The following PIAS1 variants were observed in gnomAD, a reference collection of about 807,000 sequenced individuals.
PIAS1 encodes protein inhibitor of activated STAT 1, also known as E3 SUMO-protein ligase PIAS1.
A neutral mutation model predicts 71.3 loss-of-function variants in PIAS1; 6 were observed. That is an observed-to-expected ratio of 0.08 (90% CI 0.05 to 0.17). The LOEUF (loss-of-function observed/expected upper bound fraction) is 0.17, where lower values mean the gene tolerates loss of function less well. PIAS1 is among the 10% of genes least tolerant of loss of function. The pLI is 1.00. For missense variants in PIAS1, 555 were observed against 793.6 expected (o/e 0.70, Z 3.61); for synonymous variants, 303 against 292.9 (o/e 1.03, Z -0.35).
At chr15:68,119,704 A>G (rs1044568323) in intron 2 of PIAS1, among the ~76,000 whole-genome samples, 12 of 152,154 alleles carry the variant, frequency 7.9e-5, no homozygotes, top group African/African-American at 2.9e-4. Flanking sequence ...ATATTGTTCA[A>G]AGTCTTCTGT....
chr15:68,174,026 C>T lies in PIAS1; in HGVS notation c.1169+134C>T, dbSNP rs751676103. The T allele has an allele frequency of 1.7e-5, 8 of 481,380 alleles. No individual in the cohort carries two copies. Among genetic ancestry groups the T allele is most frequent in the Non-Finnish European group, 2.8e-5 (8 of 286,062 alleles). The allele number at this position is 481,380 out of a possible 1,614,324, so 29.8% of individuals were successfully genotyped here. A position where few individuals can be genotyped will look rare whatever the true frequency, so the allele number is the denominator to read the frequency against. ...TTGTGAGTCTGCAAACCAATATTTT[C>T]AAAGTAATTTATTTCAAATTAGTGT... On this transcript the variant is annotated intron_variant, in intron 9 of 13. Coordinates refer to ENST00000249636, the MANE Select transcript of PIAS1 (RefSeq NM_016166.3). The surrounding 1 kb of genome is among the most constrained non-coding windows in gnomAD (Gnocchi z 4.0).
intron 2 of PIAS1, among the ~76,000 whole-genome samples, chr15:68,119,903 A>G (rs1595740645): frequency 6.6e-6 from 1 of 152,320 alleles, no homozygotes; most frequent in East Asian, 1.9e-4. Context: ...GACTCTCTCT[A>G]TCCCTAGTAA....
intron 1 of PIAS1, chr15:68,055,787 G>T: frequency 1.8e-6 from 1 of 559,378 alleles, no homozygotes; most frequent in South Asian, 2.5e-5. Context: ...ATAATGAAAC[G>T]ACAACTTCTA....
chr15:68,074,901 A>G (rs962084046), intron 1 of PIAS1, among the ~76,000 whole-genome samples: 1 of 151,626 alleles, frequency 6.6e-6, no homozygotes, highest in African/African-American at 2.4e-5. Context: ...TGGATGCTAA[A>G]AAGTATAGTC....
intron 7 of PIAS1, among the ~76,000 whole-genome samples, chr15:68,161,804 C>A (rs1376313507): frequency 6.6e-6 from 1 of 151,916 alleles, no homozygotes; most frequent in African/African-American, 2.4e-5. Context: ...GTGGTGCACA[C>A]CTCTAATCCC....
At chr15:68,115,987 T>C (rs2092561868) in intron 2 of PIAS1, among the ~76,000 whole-genome samples, 1 of 152,134 alleles carries the variant, frequency 6.6e-6, no homozygotes, top group Admixed American at 6.5e-5. Context: ...TGGTTGGTAA[T>C]TTTTTGTCTA....
chr15:68,089,841 C>T (rs2092318257), intron 2 of PIAS1, among the ~76,000 whole-genome samples: 1 of 151,852 alleles, frequency 6.6e-6, no homozygotes. Context: ...CAGGTGTGAG[C>T]CACTGCACCC....
intron 1 of PIAS1, among the ~76,000 whole-genome samples, chr15:68,072,252 T>C (rs1015194024): frequency 6.6e-6 from 1 of 151,124 alleles, no homozygotes; most frequent in Non-Finnish European, 1.5e-5. Flanking sequence ...CAAAAAAAAT[T>C]AGCTGGGCGT....
At chr15:68,118,681 G>C (rs982456838) in intron 2 of PIAS1, among the ~76,000 whole-genome samples, 1 of 152,076 alleles carries the variant, frequency 6.6e-6, no homozygotes, top group Admixed American at 6.5e-5. Context: ...ACTGGAGTGA[G>C]GTGATTTCTC....
rs141641847 is a variant in PIAS1, at chr15:68,125,281, A to G, written c.470-16665A>G. On this transcript the variant is annotated intron_variant, in intron 2 of 13. Coordinates refer to ENST00000249636, the MANE Select transcript of PIAS1 (RefSeq NM_016166.3). ...TGCATGAGGTAATTCTGTCAATTTC[A>G]TGTTCTATGAGAATTCCCTACCAGA... Among the ~76,000 whole-genome samples, 150 of 152,202 alleles carry G rather than the reference A, an allele frequency of 9.9e-4. 2 individuals carry two copies. In the East Asian group the frequency reaches 0.023, roughly 24 times the overall value.
At chr15:68,146,849 G>GAAAAAAAAAA in intron 6 of PIAS1, 149 bp downstream of exon 6, 1 of 687,124 alleles carries the variant, frequency 1.5e-6, no homozygotes, top group Non-Finnish European at 2.5e-6. Context: ...GTTTCCATTT[G>GAAAAAAAAAA]AAAAATGGGA....
chr15:68,055,865 T>C (rs1344827088), intron 1 of PIAS1: 3 of 697,220 alleles, frequency 4.3e-6, no homozygotes, highest in Non-Finnish European at 7.9e-6. Flanking sequence ...GAAAGAGCTT[T>C]TCTCCTAATA....
At chr15:68,154,080 G>C (rs2092869396) in intron 7 of PIAS1, 1 of 161,162 alleles carries the variant, frequency 6.2e-6, no homozygotes, top group Non-Finnish European at 1.4e-5. Flanking sequence ...AGTGAAGAGA[G>C]CCAGTGGGGT....
At chr15:68,176,216 ATTAC>A (rs2141093276) in intron 10 of PIAS1, among the ~76,000 whole-genome samples, 1 of 152,242 alleles carries the variant, frequency 6.6e-6, no homozygotes, top group African/African-American at 2.4e-5. Context: ...CTGCTCTCAA[ATTAC>A]TTTTCTTCTG....
At chr15:68,176,406 A>T in intron 10 of PIAS1, 68 bp from the exon 11 acceptor site, 1 of 1,020,322 alleles carries the variant, frequency 9.8e-7, no homozygotes, top group Non-Finnish European at 1.4e-6. Flanking sequence ...GATAAACTGT[A>T]GTGACACTGA....
At chr15:68,097,456 G>C (rs2092385839) in intron 2 of PIAS1, among the ~76,000 whole-genome samples, 1 of 151,892 alleles carries the variant, frequency 6.6e-6, no homozygotes, top group Non-Finnish European at 1.5e-5. Context: ...TTTTGAGACG[G>C]AGTTTTACTC....
chr15:68,177,278 C>CAAAAAAAAAAAAA (rs3083984), intron 11 of PIAS1, among the ~76,000 whole-genome samples: 62 of 90,694 alleles, frequency 6.8e-4, no homozygotes, highest in African/African-American at 8.9e-4. Context: ...GACTTTGTCT[C>CAAAAAAAAAAAAA]AAAAAAAAAA....
At chr15:68,166,082 T>C (rs2092956024) in intron 8 of PIAS1, among the ~76,000 whole-genome samples, 1 of 152,188 alleles carries the variant, frequency 6.6e-6, no homozygotes, top group Non-Finnish European at 1.5e-5. Flanking sequence ...GATCATGAAT[T>C]AGTTTCTGTA....
chr15:68,105,875 G>A (rs2092464367), intron 2 of PIAS1, among the ~76,000 whole-genome samples: 1 of 151,998 alleles, frequency 6.6e-6, no homozygotes, highest in East Asian at 1.9e-4. Context: ...TAATGATAGT[G>A]GCTTGTTACA....
Sources: gnomAD v4.1 joint callset for allele counts (sites outside exome capture counted in the v4.1 genomes callset) on GRCh38, gnomAD v4.1.1 for gene constraint, Gnocchi (gnomAD v3.1) non-coding constraint, MANE v1.5 for transcripts, NCBI Gene and HGNC (gene_info 2026-07-23, HGNC 2026-07-21) for gene names.